Variants in PKHD1 observed in about 807,000 individuals in gnomAD.
PKHD1 encodes the protein fibrocystin.
PKHD1 carries 291 observed loss-of-function variants against 412.0 expected under a neutral mutation model. That is an observed-to-expected ratio of 0.71 (90% confidence interval 0.64 to 0.78). The LOEUF (loss-of-function observed/expected upper bound fraction) is 0.78. PKHD1 is among the 30% of genes least tolerant of loss of function. PKHD1 has a pLI of 0.00. For synonymous variants in PKHD1, 1,777 were observed against 1,821.5 expected (o/e 0.98, Z 0.62); for missense variants, 4,825 against 4,950.7 (o/e 0.97, Z 0.76).
intron 21 of PKHD1, among the ~76,000 whole-genome samples, chr6:52,051,939 G>T (rs1806916046): frequency 6.6e-6 from 1 of 152,116 alleles, no homozygotes; most frequent in African/African-American, 2.4e-5. Flanking sequence ...AATAAGCAAT[G>T]ACCCAGATGT....
At chr6:52,055,452 T>C (rs1807563809) in intron 19 of PKHD1, 135 bp downstream of exon 19, 7 of 964,274 alleles carry the variant, frequency 7.3e-6, no homozygotes, top group Non-Finnish European at 1.1e-5. Flanking sequence ...TCGAGAGACC[T>C]AGAACCTCAG....
At chr6:52,020,455 AG>A (rs760383208) in intron 33 of PKHD1, among the ~76,000 whole-genome samples, 26 of 152,346 alleles carry the variant, frequency 1.7e-4, no homozygotes, top group Middle Eastern at 3.4e-3. Context: ...GAAAGAATAT[AG>A]GATTTCAGAG....
intron 37 of PKHD1, among the ~76,000 whole-genome samples, chr6:51,925,323 T>C (rs930352055): frequency 1.2e-4 from 19 of 152,210 alleles, no homozygotes; most frequent in African/African-American, 4.1e-4. Context: ...GTGTCTAAAA[T>C]ACGATACAGA....
At chr6:51,956,675 T>G (rs952263229) in intron 36 of PKHD1, among the ~76,000 whole-genome samples, 1 of 151,968 alleles carries the variant, frequency 6.6e-6, no homozygotes, top group Non-Finnish European at 1.5e-5. Flanking sequence ...TAAAGAGTCC[T>G]GGGGGGTGGC....
At chr6:51,905,653 T>G (rs1308311358) in intron 41 of PKHD1, among the ~76,000 whole-genome samples, 1 of 152,128 alleles carries the variant, frequency 6.6e-6, no homozygotes, top group Admixed American at 6.6e-5. Context: ...TGGTGAAAAG[T>G]TTGGGATTCT....
At chr6:51,636,786 T>A (rs551214172) in intron 64 of PKHD1, among the ~76,000 whole-genome samples, 1 of 152,194 alleles carries the variant, frequency 6.6e-6, no homozygotes, top group Non-Finnish European at 1.5e-5. Flanking sequence ...CGTTACTCAG[T>A]GTGATGTCAA....
chr6:51,619,163 T>C lies in PKHD1; in HGVS notation c.12143A>G (p.Gln4048Arg), dbSNP rs9381994. The change falls in exon 67 of 67, where the codon CAA becomes CGA. Residue 4048 changes from glutamine to arginine, a missense_variant. Physicochemically the swap from Gln to Arg is conservative, Grantham distance 43 (BLOSUM62 1). Transcript: ENST00000371117. ...GGCCCCGCAGGAGGCTTTCTTCTCTTGGGAAAGCCCCAAGCTGCCACTTTG... is the reference window on the plus strand; with the variant it reads ...GGCCCCGCAGGAGGCTTTCTTCTCTCGGGAAAGCCCCAAGCTGCCACTTTG... ...SKQSGSLGLSQEKKASCGATE... is the reference protein window; with the variant it reads ...SKQSGSLGLSREKKASCGATE... The C allele has an allele frequency of 0.55, 894,165 of 1,613,906 alleles. 248,948 individuals are homozygous for C. Among genetic ancestry groups the C allele is most frequent in the South Asian group, 0.63 (57,066 of 91,078 alleles).
At position 52,043,523 on chromosome 6, in the gene PKHD1, T is replaced by C. The variant is rs573060954; in HGVS notation, c.2821+102A>G. The C allele has an allele frequency of 1.8e-4, 147 of 823,074 alleles. No homozygotes were observed. In the African/African-American group the frequency reaches 2.1e-3, roughly 12 times the overall value. The allele number at this position is 823,074 out of a possible 1,614,324, so 51.0% of individuals were successfully genotyped here. ...GTCACTCAACCTCTGCCTAATGAAC[T>C]AATTTATCTTCTACCCACCCATCAC... On this transcript the variant is annotated intron_variant, in intron 26 of 66. Coordinates refer to ENST00000371117, the MANE Select transcript of PKHD1 (RefSeq NM_138694.4).
At chr6:51,692,539 C>A (rs1778301202) in intron 60 of PKHD1, among the ~76,000 whole-genome samples, 2 of 152,068 alleles carry the variant, frequency 1.3e-5, no homozygotes, top group African/African-American at 2.4e-5. Context: ...CATGGTTATT[C>A]TTCCTTTTCC....
chr6:51,688,510 C>CA (rs545113681), intron 60 of PKHD1, among the ~76,000 whole-genome samples: 3,765 of 138,144 alleles, frequency 0.027, 61 homozygotes, highest in Non-Finnish European at 0.042. Context: ...GAAACACACA[C>CA]AAAAAAAAAA....
At chr6:51,991,026 G>C (rs917102480) in intron 35 of PKHD1, among the ~76,000 whole-genome samples, 3 of 152,162 alleles carry the variant, frequency 2.0e-5, no homozygotes, top group African/African-American at 7.2e-5. Flanking sequence ...ATGTATTTGA[G>C]TTGCCACTTA....
At chr6:51,901,322 G>A (rs948453839) in intron 43 of PKHD1, among the ~76,000 whole-genome samples, 91 of 152,222 alleles carry the variant, frequency 6.0e-4, no homozygotes, top group African/African-American at 1.9e-3. Flanking sequence ...CATATATACC[G>A]TGGAATACTA....
At chr6:51,773,662 T>C (rs1335133639) in intron 54 of PKHD1, among the ~76,000 whole-genome samples, 2 of 151,680 alleles carry the variant, frequency 1.3e-5, no homozygotes, top group Non-Finnish European at 2.9e-5. Context: ...TGATGCACTG[T>C]ATTTTATTGC....
At chr6:51,658,703 A>C (rs1772297893) in intron 61 of PKHD1, among the ~76,000 whole-genome samples, 1 of 152,096 alleles carries the variant, frequency 6.6e-6, no homozygotes, top group African/African-American at 2.4e-5. Flanking sequence ...CATGCTTTTC[A>C]CCTTAAGGAA....
chr6:51,745,117 T>G (rs1330579737), intron 59 of PKHD1, among the ~76,000 whole-genome samples: 1 of 152,140 alleles, frequency 6.6e-6, no homozygotes, highest in African/African-American at 2.4e-5. Context: ...TCCCCTAATC[T>G]AATGCTTTGA....
chr6:52,070,584 G>A (rs1344334137), intron 9 of PKHD1, 139 bp from the exon 10 acceptor site: 37 of 646,744 alleles, frequency 5.7e-5, no homozygotes, highest in African/African-American at 1.9e-4. Flanking sequence ...GTTCCCCCCC[G>A]CAAAAACAAA....
chr6:51,911,121 C>T (rs1379109202), intron 39 of PKHD1, among the ~76,000 whole-genome samples: 1 of 152,134 alleles, frequency 6.6e-6, no homozygotes, highest in African/African-American at 2.4e-5. Flanking sequence ...CCATCCAGAG[C>T]TCATGCCTGG....
At chr6:51,768,077 G>C (rs987556497) in intron 55 of PKHD1, among the ~76,000 whole-genome samples, 1 of 152,040 alleles carries the variant, frequency 6.6e-6, no homozygotes, top group Non-Finnish European at 1.5e-5. Context: ...GTGATGATGA[G>C]CATTTTTTCA....
rs181778856 is a variant in PKHD1, at chr6:51,702,170, G to A, written c.10157-42201C>T. On this transcript the variant is annotated intron_variant, in intron 60 of 66. Coordinates refer to ENST00000371117, the MANE Select transcript of PKHD1 (RefSeq NM_138694.4). Reference sequence around the variant, plus strand: ...TTATTATATATTATATATATTATATGTATAATATATAATATATTATATATA... The same window carrying A: ...TTATTATATATTATATATATTATATATATAATATATAATATATTATATATA... Among the ~76,000 whole-genome samples, 1,043 of 138,340 alleles carry A rather than the reference G, an allele frequency of 7.5e-3. 5 individuals carry two copies. Among genetic ancestry groups the A allele is most frequent in the African/African-American group, 0.023 (795 of 34,146 alleles). 90.8% of individuals were successfully genotyped at this position (138,340 alleles called of 152,430 possible). A position where few individuals can be genotyped will look rare whatever the true frequency, so the allele number is the denominator to read the frequency against.
Sources: allele counts gnomAD v4.1 joint callset (sites outside exome capture counted in the v4.1 genomes callset), GRCh38; gene constraint gnomAD v4.1.1; transcripts MANE v1.5; gene names NCBI Gene and HGNC (gene_info 2026-07-23, HGNC 2026-07-21).